EPHA5: variants seen among roughly 807,000 people sequenced by gnomAD.
EPHA5 encodes the protein ephrin type-A receptor 5.
EPHA5 carries 60 observed loss-of-function variants against 105.0 expected under a neutral mutation model. The observed-to-expected ratio is 0.57, with a 90% confidence interval of 0.46 to 0.71. The LOEUF (loss-of-function observed/expected upper bound fraction) is 0.71, where lower values mean the gene tolerates loss of function less well. EPHA5 is among the 30% of genes least tolerant of loss of function. The probability of loss-of-function intolerance (pLI) is 0.00; values close to 1 mark genes in which losing one functional copy is unlikely to be tolerated. For synonymous variants in EPHA5, 513 were observed against 449.1 expected (o/e 1.14, Z -1.80); for missense variants, 1,218 against 1,274.7 (o/e 0.96, Z 0.68).
intron 2 of EPHA5, among the ~76,000 whole-genome samples, chr4:65,636,645 G>A (rs1747145932): frequency 6.6e-6 from 1 of 152,002 alleles, no homozygotes; most frequent in African/African-American, 2.4e-5. Context: ...GAATTAGAAA[G>A]AGCTATATGA....
At chr4:65,408,653 G>A (rs1014196239) in intron 7 of EPHA5, among the ~76,000 whole-genome samples, 1 of 151,942 alleles carries the variant, frequency 6.6e-6, no homozygotes, top group African/African-American at 2.4e-5. Context: ...CCATCTCACA[G>A]CAGTTAGAAT....
chr4:65,553,413 AT>A (rs994548660), intron 3 of EPHA5, among the ~76,000 whole-genome samples: 250 of 151,058 alleles, frequency 1.7e-3, no homozygotes, highest in African/African-American at 5.5e-3. Flanking sequence ...TCCACCTAAC[AT>A]TTTTTTTTCT....
chr4:65,563,109 T>TC (rs1739186783), intron 3 of EPHA5, among the ~76,000 whole-genome samples: 4 of 152,102 alleles, frequency 2.6e-5, no homozygotes, highest in South Asian at 2.1e-4. Context: ...TCTTTTTTTT[T>TC]CTCACTATTT....
intron 11 of EPHA5, among the ~76,000 whole-genome samples, chr4:65,357,949 T>C (rs565542374): frequency 4.1e-4 from 62 of 151,568 alleles, no homozygotes; most frequent in Non-Finnish European, 5.3e-4. Context: ...GGTAATACAA[T>C]CCTTTGCCAT....
At chr4:65,507,888 C>T (rs1305111244) in intron 3 of EPHA5, among the ~76,000 whole-genome samples, 3 of 151,910 alleles carry the variant, frequency 2.0e-5, no homozygotes, top group African/African-American at 7.3e-5. Flanking sequence ...GATAATACAA[C>T]ATATATTATT....
Position 65,495,364 on chromosome 4 carries a change from C to T in EPHA5, c.1066+24G>A, listed in dbSNP as rs191623953. ...TCAAAACTGGTTAAAGTTAGCACCA[C>T]CAAATATCCGTGGGTTTCCTTACTT... On this transcript the variant is annotated intron_variant, in intron 4 of 16. Transcript: ENST00000613740. The T allele has an allele frequency of 4.0e-4, 642 of 1,605,328 alleles. 1 individual carries two copies. In the African/African-American group the frequency reaches 7.4e-3, roughly 19 times the overall value.
intron 3 of EPHA5, among the ~76,000 whole-genome samples, chr4:65,544,597 G>A (rs1213371252): frequency 6.6e-6 from 1 of 151,968 alleles, no homozygotes. Context: ...GCATGGCTAT[G>A]GAGAAATAGC....
At chr4:65,598,722 G>T (rs538026728) in intron 3 of EPHA5, among the ~76,000 whole-genome samples, 1 of 152,218 alleles carries the variant, frequency 6.6e-6, no homozygotes, top group African/African-American at 2.4e-5. Flanking sequence ...CAGATCTGAA[G>T]GATTAGTGTA....
chr4:65,443,951 ATGCG>A (rs1726267686), intron 5 of EPHA5, among the ~76,000 whole-genome samples: 1 of 151,588 alleles, frequency 6.6e-6, no homozygotes, highest in African/African-American at 2.4e-5. Context: ...GCACGCGCAC[ATGCG>A]CACTGGGGGT....
chr4:65,412,765 G>A (rs182618469), intron 7 of EPHA5, among the ~76,000 whole-genome samples: 3 of 152,210 alleles, frequency 2.0e-5, no homozygotes, highest in East Asian at 3.9e-4. Flanking sequence ...TAAGTCATCT[G>A]ATTGAGTTTT....
At chr4:65,625,013 T>C (rs1746010242) in intron 2 of EPHA5, among the ~76,000 whole-genome samples, 1 of 152,174 alleles carries the variant, frequency 6.6e-6, no homozygotes, top group Non-Finnish European at 1.5e-5. Context: ...AAAATTGTCA[T>C]TGGCATAGAT....
rs1048587345 is a variant in EPHA5, at chr4:65,439,801, C to T, written c.1403-19236G>A. Among the ~76,000 whole-genome samples the T allele has an allele frequency of 2.0e-5, 3 of 151,918 alleles. No individual in the cohort carries two copies. The East Asian group carries it at 5.8e-4, about 29-fold the overall frequency. On this transcript the variant is annotated intron_variant, in intron 5 of 16. Transcript: ENST00000613740. ...TTTCTTCTATTTTCTTTCGTATTTG[C>T]ATTTACCGAAAGGAAAGCCGAATGC...
At position 65,530,996 on chromosome 4, in the gene EPHA5, A is replaced by AT. The variant is rs1004854366; in HGVS notation, c.911-35454dup. The stretch of plus-strand genomic sequence containing the variant: ...AAAGGGTGCTGATTTAGCTGGATGG[A>AT]TTTTTTTTTATTTTTTTTATTTTTT... On this transcript the variant is annotated intron_variant, in intron 3 of 16. Transcript: ENST00000613740. 2.3e-3 allele frequency among the ~76,000 whole-genome samples: 256 copies of AT among 111,926 alleles called. 5 individuals carry two copies. Among genetic ancestry groups the AT allele is most frequent in the African/African-American group, 2.9e-3 (83 of 28,978 alleles). 73.4% of individuals were successfully genotyped at this position (111,926 alleles called of 152,430 possible). A position where few individuals can be genotyped will look rare whatever the true frequency, so the allele number is the denominator to read the frequency against.
chr4:65,391,039 G>A (rs773616634), intron 8 of EPHA5, among the ~76,000 whole-genome samples: 5 of 151,958 alleles, frequency 3.3e-5, no homozygotes, highest in Non-Finnish European at 5.9e-5. Flanking sequence ...TTTTTCATAA[G>A]GCAGCAGGAA....
At chr4:65,585,158 C>T (rs1428469244) in intron 3 of EPHA5, among the ~76,000 whole-genome samples, 3 of 148,432 alleles carry the variant, frequency 2.0e-5, no homozygotes, top group Non-Finnish European at 4.5e-5. Flanking sequence ...GTGTCCAGAT[C>T]CAATTACATA....
chr4:65,350,524 A>C (rs1192794199), intron 13 of EPHA5, among the ~76,000 whole-genome samples: 1 of 152,120 alleles, frequency 6.6e-6, no homozygotes, highest in Admixed American at 6.6e-5. Context: ...ACAGATCTCT[A>C]TCTTCACAAG....
chr4:65,468,557 T>C (rs1431891113), intron 5 of EPHA5, among the ~76,000 whole-genome samples: 4 of 61,772 alleles, frequency 6.5e-5, no homozygotes, highest in African/African-American at 2.8e-4. Flanking sequence ...ATAATATATA[T>C]ATTATATATT....
chr4:65,348,153 T>G lies in EPHA5; in HGVS notation c.2496A>C (p.Arg832=), dbSNP rs142469673. Residue 832 remains arginine, a synonymous_variant, in exon 14 of 17, where the codon CGA becomes CGC. Transcript: ENST00000613740. ...RWTAPEAIAF[R]KFTSASDVWS... ...AGACATCACTGGCAGAAGTAAACTT[T>G]CGGAAAGCTATTGCTTCTGGGGCAG... is the stretch of plus-strand genomic sequence containing the variant. 4.7e-4 allele frequency: 753 copies of G among 1,613,686 alleles called. No individual in the cohort carries two copies. Among genetic ancestry groups the G allele is most frequent in the Non-Finnish European group, 6.2e-4 (734 of 1,179,872 alleles).
chr4:65,662,718 T>G (rs1378359593), intron 1 of EPHA5, among the ~76,000 whole-genome samples: 1 of 152,130 alleles, frequency 6.6e-6, no homozygotes. Flanking sequence ...AGTGTGTATG[T>G]GGGCAGGGGT....
Sources: allele counts gnomAD v4.1 joint callset (sites outside exome capture counted in the v4.1 genomes callset), GRCh38; gene constraint gnomAD v4.1.1; transcripts MANE v1.5; gene names NCBI Gene and HGNC (gene_info 2026-07-23, HGNC 2026-07-21).